Variants in CPVL observed in about 807,000 individuals in gnomAD.
CPVL encodes carboxypeptidase vitellogenic like.
In CPVL, 51 loss-of-function variants were observed where a neutral mutation model predicts 63.7. That is an observed-to-expected ratio of 0.80 (90% confidence interval 0.64 to 1.01). The LOEUF (loss-of-function observed/expected upper bound fraction) is 1.01, where lower values mean the gene tolerates loss of function less well. Among genes scored for constraint, CPVL ranks in the 50% least tolerant of loss-of-function variants. CPVL has a pLI of 0.00. For missense variants in CPVL, 530 were observed against 573.1 expected (o/e 0.92, Z 0.77); for synonymous variants, 195 against 206.0 (o/e 0.95, Z 0.46).
chr7:29,054,835 A>G (rs1449858374), intron 11 of CPVL, among the ~76,000 whole-genome samples: 1 of 152,110 alleles, frequency 6.6e-6, no homozygotes, highest in Non-Finnish European at 1.5e-5. Flanking sequence ...TAATTTCTTC[A>G]GATCTATCTT....
intron 1 of CPVL, among the ~76,000 whole-genome samples, chr7:29,130,678 G>A (rs1345291879): frequency 6.6e-6 from 1 of 152,190 alleles, no homozygotes; most frequent in Non-Finnish European, 1.5e-5. Context: ...GGAATCTGAA[G>A]CCATATCTAG....
chr7:29,164,007 T>C (rs1795550354), intron 5 of CPVL, among the ~76,000 whole-genome samples: 1 of 152,230 alleles, frequency 6.6e-6, no homozygotes, highest in Non-Finnish European at 1.5e-5. Flanking sequence ...TGTGGACATA[T>C]GCTTTCGTTT....
chr7:29,026,888 T>C (rs147364453), intron 12 of CPVL, among the ~76,000 whole-genome samples: 4 of 152,288 alleles, frequency 2.6e-5, no homozygotes, highest in African/African-American at 7.2e-5. Flanking sequence ...TGGATGACTT[T>C]TCTGCCAAAT....
At chr7:29,133,764 G>A (rs1790927542) in intron 1 of CPVL, among the ~76,000 whole-genome samples, 1 of 152,120 alleles carries the variant, frequency 6.6e-6, no homozygotes, top group African/African-American at 2.4e-5. Flanking sequence ...CAGTAAATGG[G>A]GCAGATCAAA....
intron 1 of CPVL, among the ~76,000 whole-genome samples, chr7:29,131,562 C>T (rs1418910444): frequency 6.6e-6 from 1 of 152,160 alleles, no homozygotes; most frequent in Non-Finnish European, 1.5e-5. Flanking sequence ...CACGGTCTCA[C>T]TCTGTCACCC....
exon 1 of CPVL, chr7:29,195,203 A>G (rs949212132): frequency 6.1e-6 from 3 of 491,028 alleles, no homozygotes; most frequent in Non-Finnish European, 1.1e-5. Flanking sequence ...GAGGTGGGAG[A>G]GCGGTGGTGC....
chr7:29,075,625 A>G (rs1784168799), intron 7 of CPVL, among the ~76,000 whole-genome samples: 1 of 152,016 alleles, frequency 6.6e-6, no homozygotes, highest in African/African-American at 2.4e-5. Context: ...ATCTACTCCA[A>G]GCTTGCTAAG....
At chr7:29,160,854 T>A (rs932985502) in intron 5 of CPVL, among the ~76,000 whole-genome samples, 2 of 152,216 alleles carry the variant, frequency 1.3e-5, no homozygotes, top group Non-Finnish European at 2.9e-5. Context: ...TATCTATTAA[T>A]CATTGACACT....
intron 5 of CPVL, among the ~76,000 whole-genome samples, chr7:29,153,761 G>A (rs532035923): frequency 6.6e-6 from 1 of 152,052 alleles, no homozygotes; most frequent in African/African-American, 2.4e-5. Context: ...GTAGAGACAG[G>A]GTTTCACCAT....
At chr7:29,020,609 G>C (rs1786862560) in intron 12 of CPVL, among the ~76,000 whole-genome samples, 1 of 151,858 alleles carries the variant, frequency 6.6e-6, no homozygotes, top group South Asian at 2.1e-4. Flanking sequence ...TAAACAACAG[G>C]AATTTATTTC....
At chr7:29,075,346 T>C (rs771255078) in intron 7 of CPVL, among the ~76,000 whole-genome samples, 8 of 152,054 alleles carry the variant, frequency 5.3e-5, no homozygotes, top group Non-Finnish European at 5.9e-5. Flanking sequence ...TTAAGCCAAT[T>C]TAAGATAAAC....
rs58809054 is a variant in CPVL, at chr7:28,997,764, T to A, written c.1321-1882A>T. Among the ~76,000 whole-genome samples, 394 of 152,324 alleles carry A rather than the reference T, an allele frequency of 2.6e-3. 10 individuals are homozygous for A. In the East Asian group the frequency reaches 0.055, roughly 21 times the overall value. ...AATTTGCAGCTTAGTCACGGAACAT[T>A]TTTATTCACCTCTCAATAGCCCTCT... On this transcript the variant is annotated intron_variant, in intron 12 of 12. Transcript: ENST00000265394.
intron 11 of CPVL, among the ~76,000 whole-genome samples, chr7:29,062,156 G>A (rs1158363958): frequency 1.3e-5 from 2 of 152,176 alleles, no homozygotes; most frequent in Non-Finnish European, 1.5e-5. Context: ...ATTATGGACA[G>A]GTTTATAGAT....
intron 1 of CPVL, among the ~76,000 whole-genome samples, chr7:29,133,273 T>C (rs1273167296): frequency 6.6e-6 from 1 of 152,220 alleles, no homozygotes; most frequent in Non-Finnish European, 1.5e-5. Flanking sequence ...CCAAAATCAT[T>C]AATAATCTCC....
intron 5 of CPVL, among the ~76,000 whole-genome samples, chr7:29,168,917 T>C (rs1282039014): frequency 6.6e-6 from 1 of 152,182 alleles, no homozygotes; most frequent in Non-Finnish European, 1.5e-5. Flanking sequence ...CTATTTCTAT[T>C]CGCCATGTTT....
intron 3 of CPVL, among the ~76,000 whole-genome samples, chr7:29,107,252 G>C (rs942740951): frequency 1.3e-4 from 20 of 152,246 alleles, no homozygotes; most frequent in Non-Finnish European, 2.8e-4. Flanking sequence ...CAGTATGGGA[G>C]GGGACTGCCC....
At chr7:29,003,154 G>T (rs77024313) in intron 12 of CPVL, among the ~76,000 whole-genome samples, 2,137 of 123,792 alleles carry the variant, frequency 0.017, 53 homozygotes, top group Admixed American at 0.082. Flanking sequence ...ATGTGTATGT[G>T]CACACACACA....
intron 5 of CPVL, among the ~76,000 whole-genome samples, chr7:29,179,686 C>T (rs1797823060): frequency 6.6e-6 from 1 of 152,112 alleles, no homozygotes; most frequent in East Asian, 1.9e-4. Flanking sequence ...TCAATAATTA[C>T]CAGGTTTTTT....
At chr7:29,181,912 T>C (rs559012590) in intron 4 of CPVL, among the ~76,000 whole-genome samples, 1 of 152,338 alleles carries the variant, frequency 6.6e-6, no homozygotes, top group East Asian at 1.9e-4. Flanking sequence ...ATATGGATGA[T>C]TTCTTTTTTT....
Sources: allele counts gnomAD v4.1 joint callset (sites outside exome capture counted in the v4.1 genomes callset), GRCh38; gene constraint gnomAD v4.1.1; transcripts MANE v1.5; gene names NCBI Gene and HGNC (gene_info 2026-07-23, HGNC 2026-07-21).